The following LCP2 variants were observed in gnomAD, a reference collection of about 807,000 sequenced individuals.
LCP2 encodes 76 kDa tyrosine phosphoprotein.
In LCP2, 29 loss-of-function variants were observed where a neutral mutation model predicts 74.5. The ratio of observed to expected loss-of-function variants is 0.39; its 90% CI spans 0.29 to 0.53. The LOEUF (loss-of-function observed/expected upper bound fraction) is 0.53, where lower values mean the gene tolerates loss of function less well. Among genes scored for constraint, LCP2 ranks in the 20% least tolerant of loss-of-function variants. The pLI is 0.72. For synonymous variants in LCP2, 228 were observed against 229.5 expected (o/e 0.99, Z 0.06); for missense variants, 604 against 634.6 (o/e 0.95, Z 0.52).
Position 170,266,809 on chromosome 5 carries a change from T to C in LCP2, c.771A>G (p.Leu257=). ...LAPFDREPFT[L]GKKPPFSDKP... is the part of the protein sequence containing the mutation. The stretch of plus-strand genomic sequence containing the variant: ...GCATTAAATGTGAATCATACCCACC[T>C]AGTGTGAAGGGTTCTCTATCAAACG... Residue 257 remains leucine (L), a splice_region_variant and synonymous_variant, in exon 10 of 21, where the codon CTA becomes CTG. Coordinates refer to ENST00000046794, the MANE Select transcript of LCP2 (RefSeq NM_005565.5). 6.2e-7 allele frequency: 1 copy of C among 1,612,152 alleles called. No homozygotes were observed. Among genetic ancestry groups the C allele is most frequent in the Non-Finnish European group, 8.5e-7 (1 of 1,178,212 alleles).
At chr5:170,255,325 TG>T (rs1480774279) in intron 17 of LCP2, among the ~76,000 whole-genome samples, 2 of 152,348 alleles carry the variant, frequency 1.3e-5, no homozygotes, top group Middle Eastern at 3.4e-3. Context: ...ATACCCTAGA[TG>T]TGTTCTTGGA....
intron 19 of LCP2, chr5:170,251,458 C>T: frequency 3.9e-6 from 1 of 259,164 alleles, no homozygotes; most frequent in Non-Finnish European, 8.1e-6. Flanking sequence ...TTTTGATTGT[C>T]CTGTACTTTA....
intron 18 of LCP2, 39 bp downstream of exon 18, chr5:170,253,079 GA>G (rs1761481231): frequency 8.4e-6 from 11 of 1,315,208 alleles, no homozygotes; most frequent in African/African-American, 2.9e-5. Context: ...TTTTACCAGG[GA>G]AAAGGCAAAC....
At chr5:170,286,180 C>G (rs548685959) in intron 3 of LCP2, among the ~76,000 whole-genome samples, 2 of 152,290 alleles carry the variant, frequency 1.3e-5, no homozygotes, top group East Asian at 3.9e-4. Flanking sequence ...TAGGACGATC[C>G]CTCAGGGAAT....
rs186438882 is a variant in LCP2, at chr5:170,254,346, G to T, written c.1151-1133C>A. 2.1e-3 allele frequency among the ~76,000 whole-genome samples: 322 copies of T among 152,258 alleles called. 1 individual carries two copies. Among genetic ancestry groups the T allele is most frequent in the Admixed American group, 3.7e-3 (57 of 15,292 alleles). Reference sequence around the variant, plus strand: ...AGTACTTCCGGTGGTTCTACACCACGGATTGTCACTACGTCTACCTTGTTA... The same window carrying T: ...AGTACTTCCGGTGGTTCTACACCACTGATTGTCACTACGTCTACCTTGTTA... On this transcript the variant is annotated intron_variant, in intron 17 of 20. Transcript: ENST00000046794.
intron 2 of LCP2, among the ~76,000 whole-genome samples, chr5:170,289,617 T>TTTTCTTTC (rs70979169): frequency 0.021 from 2,579 of 122,092 alleles, 74 homozygotes; most frequent in East Asian, 0.085. Context: ...CTTTCTTTCT[T>TTTTCTTTC]TTTCTTTCTT....
intron 3 of LCP2, among the ~76,000 whole-genome samples, chr5:170,283,616 C>T (rs1365413727): frequency 6.6e-6 from 1 of 152,150 alleles, no homozygotes; most frequent in African/African-American, 2.4e-5. Context: ...ACAAATTTAC[C>T]TTGATGCTCA....
rs1219745316 is a variant in LCP2, at chr5:170,262,753, C to A, written c.819-11G>T. ...TGCTCCCCGAGTGACCTGTGGAGTT[C>A]AGGAAAAGGATGTGTAAGAAACAAA... On this transcript the variant is annotated splice_polypyrimidine_tract_variant and intron_variant, in intron 12 of 20. Coordinates refer to ENST00000046794, the MANE Select transcript of LCP2 (RefSeq NM_005565.5). The A allele has an allele frequency of 1.9e-6, 3 of 1,613,472 alleles. No individual in the cohort carries two copies. The highest frequency in any genetic ancestry group is 2.5e-6 in the Non-Finnish European group (3 of 1,179,544).
rs1581058561 is a variant in LCP2, at chr5:170,256,392, T to A, written c.1150+134A>T. On this transcript the variant is annotated intron_variant, in intron 17 of 20. Transcript: ENST00000046794. This position sits in a 1 kb window ranked among gnomAD's most constrained non-coding sequence, Gnocchi z 4.5. ...CCCTTGGCACACTGCAGACACGGAA[T>A]TAAATGTTGAATGAGGAAATCAGAT... The A allele has an allele frequency of 5.4e-6, 4 of 742,710 alleles. No individual in the cohort carries two copies. In the East Asian group the frequency reaches 1.1e-4, roughly 20 times the overall value. 46.0% of individuals were successfully genotyped at this position (742,710 alleles called of 1,614,324 possible). A position where few individuals can be genotyped will look rare whatever the true frequency, so the allele number is the denominator to read the frequency against.
intron 15 of LCP2, 62 bp from the exon 16 acceptor site, chr5:170,258,228 T>C: frequency 6.4e-7 from 1 of 1,571,724 alleles, no homozygotes; most frequent in Non-Finnish European, 8.7e-7. Context: ...TAAGAAACAT[T>C]CCATAACCGC....
At chr5:170,297,161 AG>A (rs1762404669) in intron 1 of LCP2, among the ~76,000 whole-genome samples, 2 of 152,198 alleles carry the variant, frequency 1.3e-5, no homozygotes, top group Non-Finnish European at 2.9e-5. Flanking sequence ...TATCACATGT[AG>A]TCCCTAGGGC....
intron 6 of LCP2, 24 bp downstream of exon 6, chr5:170,274,277 A>T (rs1383297554): frequency 6.2e-7 from 1 of 1,611,928 alleles, no homozygotes; most frequent in South Asian, 1.1e-5. Flanking sequence ...GTAAAGGTGC[A>T]AGAACAGCCC....
chr5:170,259,889 C>T (rs1171488813), intron 14 of LCP2, among the ~76,000 whole-genome samples: 2 of 152,220 alleles, frequency 1.3e-5, no homozygotes, highest in Non-Finnish European at 2.9e-5. Context: ...TTCCAGAAAA[C>T]ACAACTCCCA....
intron 2 of LCP2, among the ~76,000 whole-genome samples, chr5:170,292,263 A>C (rs774066789): frequency 1.3e-5 from 2 of 152,210 alleles, no homozygotes; most frequent in Non-Finnish European, 2.9e-5. Flanking sequence ...CATGTCTTAC[A>C]TGGCACCTGG....
intron 10 of LCP2, among the ~76,000 whole-genome samples, chr5:170,266,515 T>C (rs1395750119): frequency 6.6e-6 from 1 of 152,204 alleles, no homozygotes; most frequent in Non-Finnish European, 1.5e-5. Context: ...ACACAGATCA[T>C]CCACATCACA....
At chr5:170,262,395 C>T (rs916297327) in intron 13 of LCP2, among the ~76,000 whole-genome samples, 17 of 152,224 alleles carry the variant, frequency 1.1e-4, no homozygotes, top group Non-Finnish European at 2.1e-4. Context: ...ACAGCAGTCA[C>T]CCCTTACTCT....
intron 3 of LCP2, among the ~76,000 whole-genome samples, chr5:170,281,398 G>C (rs561174490): frequency 6.6e-6 from 1 of 152,204 alleles, no homozygotes; most frequent in Non-Finnish European, 1.5e-5. Flanking sequence ...TCCTGCCTCA[G>C]CCTCCCGAGT....
At chr5:170,290,051 C>G (rs893389915) in intron 2 of LCP2, among the ~76,000 whole-genome samples, 1 of 152,118 alleles carries the variant, frequency 6.6e-6, no homozygotes, top group Non-Finnish European at 1.5e-5. Flanking sequence ...AGAACGGGGA[C>G]AAGAACTGTG....
At chr5:170,261,079 C>G (rs1205655765) in intron 14 of LCP2, 28 bp downstream of exon 14, 1 of 1,553,988 alleles carries the variant, frequency 6.4e-7, no homozygotes, top group Non-Finnish European at 8.9e-7. Context: ...CTGTATCAAG[C>G]ACTTACAAAC....
Sources: gnomAD v4.1 joint callset for allele counts (sites outside exome capture counted in the v4.1 genomes callset) on GRCh38, gnomAD v4.1.1 for gene constraint, Gnocchi (gnomAD v3.1) non-coding constraint, MANE v1.5 for transcripts, NCBI Gene and HGNC (gene_info 2026-07-23, HGNC 2026-07-21) for gene names.